CPAMD8: variants seen among roughly 807,000 people sequenced by gnomAD.
CPAMD8 encodes C3 and PZP like alpha-2-macroglobulin domain containing 8.
A neutral mutation model predicts 224.7 loss-of-function variants in CPAMD8; 146 were observed. The observed-to-expected ratio is 0.65, with a 90% CI of 0.57 to 0.75. The LOEUF (loss-of-function observed/expected upper bound fraction) is 0.75. Ranked by LOEUF, CPAMD8 falls within the 30% of genes least tolerant of loss-of-function variation. The pLI is 0.00. For synonymous variants in CPAMD8, 966 were observed against 1,044.6 expected (o/e 0.92, Z 1.45); for missense variants, 2,301 against 2,537.5 (o/e 0.91, Z 2.00).
At chr19:16,916,102 A>G (rs1212331463) in intron 27 of CPAMD8, among the ~76,000 whole-genome samples, 1 of 151,410 alleles carries the variant, frequency 6.6e-6, no homozygotes, top group Admixed American at 6.6e-5. Context: ...GTAGCCTACA[A>G]CTCCCAGCTC....
In CPAMD8 at chr19:16,945,529, A is replaced by G. The variant is rs376053099; in HGVS notation, c.2793+20T>C. The G allele has an allele frequency of 1.2e-5, 19 of 1,611,542 alleles. No homozygotes were observed. The highest frequency in any genetic ancestry group is 1.6e-5 in the Non-Finnish European group (19 of 1,178,286). ...GAATGAGGCCCTGGCTAAGCACCAG[A>G]GATGAGGACACGGCCTTACCTCAAC... On this transcript the variant is annotated intron_variant, in intron 22 of 41. Coordinates refer to ENST00000443236, the MANE Select transcript of CPAMD8 (RefSeq NM_015692.5).
intron 30 of CPAMD8, among the ~76,000 whole-genome samples, chr19:16,906,381 T>TC (rs1491360702): frequency 6.4e-5 from 5 of 77,994 alleles, no homozygotes; most frequent in Admixed American, 1.6e-4. Flanking sequence ...TTTCTTTCTT[T>TC]CTTTCTTTCT....
intron 17 of CPAMD8, among the ~76,000 whole-genome samples, chr19:16,971,753 T>C (rs1371633468): frequency 6.6e-6 from 1 of 152,104 alleles, no homozygotes; most frequent in Non-Finnish European, 1.5e-5. Context: ...TCATCTCGAT[T>C]AGAAAAATCA....
At chr19:16,970,238 C>CAAAAAAAA (rs34399675) in intron 18 of CPAMD8, among the ~76,000 whole-genome samples, 2 of 92,670 alleles carry the variant, frequency 2.2e-5, no homozygotes, top group African/African-American at 4.3e-5. Context: ...GACTCTGTCT[C>CAAAAAAAA]AAAAAAAAAA....
chr19:16,990,693 T>C (rs964589118), intron 12 of CPAMD8, among the ~76,000 whole-genome samples: 1 of 151,624 alleles, frequency 6.6e-6, no homozygotes, highest in Non-Finnish European at 1.5e-5. Flanking sequence ...TGAAACCCTG[T>C]CTCTACTAAA....
At chr19:16,929,329 C>T (rs1599721938) in intron 23 of CPAMD8, 89 bp from the exon 24 acceptor site, 1 of 1,076,736 alleles carries the variant, frequency 9.3e-7, no homozygotes. Context: ...GCACCAGGAC[C>T]ACAAGGAGTG....
intron 29 of CPAMD8, among the ~76,000 whole-genome samples, chr19:16,911,466 A>G (rs945477271): frequency 6.6e-6 from 1 of 151,602 alleles, no homozygotes; most frequent in African/African-American, 2.4e-5. Flanking sequence ...GGTTCAAGCG[A>G]TTCTCCTGCC....
rs746178943 is a variant in CPAMD8 at position 17,011,518 on chromosome 19, TA to T, written c.434-3del. The T allele has an allele frequency of 6.2e-6, 10 of 1,613,980 alleles. No homozygotes were observed. In the African/African-American group the frequency reaches 1.3e-4, roughly 22 times the overall value. ...AGACGGTGAAGATGCTTATGAGCAC[TA>T]GAAGAAAGAAGAGAGGCGTGTGACA... On this transcript the variant is annotated splice_region_variant and splice_polypyrimidine_tract_variant and intron_variant, in intron 4 of 41. Coordinates refer to ENST00000443236, the MANE Select transcript of CPAMD8 (RefSeq NM_015692.5).
intron 25 of CPAMD8, 66 bp from the exon 26 acceptor site, chr19:16,925,438 T>C: frequency 7.6e-7 from 1 of 1,323,642 alleles, no homozygotes; most frequent in Non-Finnish European, 1.1e-6. Context: ...AGGGACAGCT[T>C]TACCCAGGGA....
intron 18 of CPAMD8, among the ~76,000 whole-genome samples, chr19:16,969,218 G>A (rs776643935): frequency 9.2e-5 from 14 of 152,120 alleles, no homozygotes; most frequent in South Asian, 2.1e-4. Flanking sequence ...TGTGCACTGG[G>A]GTAGGGCTAA....
In CPAMD8 at chr19:16,997,680, G is replaced by A. The variant is rs887284675; in HGVS notation, c.868-342C>T. Among the ~76,000 whole-genome samples, 7 of 151,818 alleles carry A rather than the reference G, an allele frequency of 4.6e-5. No individual in the cohort carries two copies. In the East Asian group the frequency reaches 7.8e-4, roughly 17 times the overall value. ...AGTCTAGCCAACATGGCGAAACCCC[G>A]CCTCTAGTAAAAATGTAAAAAAATA... On this transcript the variant is annotated intron_variant, in intron 10 of 41. Coordinates refer to ENST00000443236, the MANE Select transcript of CPAMD8 (RefSeq NM_015692.5).
intron 14 of CPAMD8, among the ~76,000 whole-genome samples, chr19:16,978,078 A>T (rs2055346097): frequency 6.6e-6 from 1 of 152,176 alleles, no homozygotes; most frequent in Non-Finnish European, 1.5e-5. Flanking sequence ...CAAATACTCT[A>T]CGGCAAGAGA....
chr19:16,913,794 T>C (rs1568468153), intron 29 of CPAMD8, among the ~76,000 whole-genome samples: 3 of 152,196 alleles, frequency 2.0e-5, no homozygotes, highest in Non-Finnish European at 1.5e-5. Context: ...CCAAGAATCC[T>C]GAGAAGTGCC....
chr19:16,986,087 AG>A (rs757149994), intron 13 of CPAMD8, among the ~76,000 whole-genome samples: 10 of 152,038 alleles, frequency 6.6e-5, no homozygotes, highest in Non-Finnish European at 1.3e-4. Context: ...CAACCTTAAA[AG>A]ATTGGAGTGA....
chr19:16,929,621 G>T (rs1337953344), intron 23 of CPAMD8, among the ~76,000 whole-genome samples: 1 of 152,106 alleles, frequency 6.6e-6, no homozygotes, highest in Non-Finnish European at 1.5e-5. Flanking sequence ...GATCGCTTGA[G>T]CCCAGGAGTT....
chr19:17,004,445 G>GC, intron 7 of CPAMD8, 59 bp from the exon 8 acceptor site: 1 of 1,120,710 alleles, frequency 8.9e-7, no homozygotes, highest in South Asian at 1.3e-5. Context: ...GTGAGGTACG[G>GC]GAAGAGGGAG....
chr19:16,976,635 A>G (rs112958246), intron 15 of CPAMD8, among the ~76,000 whole-genome samples: 13 of 151,950 alleles, frequency 8.6e-5, no homozygotes, highest in Non-Finnish European at 1.5e-4. Flanking sequence ...CTGGTCCCAC[A>G]CTGTGAAGGG....
chr19:16,915,560 C>T (rs2052918921), intron 27 of CPAMD8, among the ~76,000 whole-genome samples: 1 of 152,198 alleles, frequency 6.6e-6, no homozygotes, highest in African/African-American at 2.4e-5. Flanking sequence ...GTCCCTCATC[C>T]ACCCCATCTC....
At chr19:16,980,410 G>A (rs1296869103) in intron 14 of CPAMD8, 87 bp downstream of exon 14, 5 of 1,318,032 alleles carry the variant, frequency 3.8e-6, no homozygotes, top group South Asian at 1.3e-5. Context: ...GCTGGGTCTT[G>A]CCTTGTCCCT....
Sources: allele counts gnomAD v4.1 joint callset (sites outside exome capture counted in the v4.1 genomes callset), GRCh38; gene constraint gnomAD v4.1.1; transcripts MANE v1.5; gene names NCBI Gene and HGNC (gene_info 2026-07-23, HGNC 2026-07-21).